Variants in DYNC1I1 observed in about 807,000 individuals in gnomAD.
DYNC1I1 encodes the protein cytoplasmic dynein 1 intermediate chain 1.
In DYNC1I1, 43 loss-of-function variants were observed where a neutral mutation model predicts 86.6. The ratio of observed to expected loss-of-function variants is 0.50; its 90% CI spans 0.39 to 0.64. The LOEUF (loss-of-function observed/expected upper bound fraction) is 0.64, where lower values mean the gene tolerates loss of function less well. DYNC1I1 is among the 30% of genes least tolerant of loss of function. DYNC1I1 has a pLI of 0.00. For missense variants in DYNC1I1, 604 were observed against 788.8 expected, an observed-to-expected ratio of 0.77 and a Z score of 2.81; for synonymous variants, 262 against 283.7, an observed-to-expected ratio of 0.92 and a Z score of 0.77.
At chr7:95,955,818 A>C (rs1267366823) in intron 6 of DYNC1I1, among the ~76,000 whole-genome samples, 2 of 152,026 alleles carry the variant, frequency 1.3e-5, no homozygotes, top group Non-Finnish European at 2.9e-5. Context: ...TTTCTCATTC[A>C]CTCTTAATGC....
At chr7:96,044,193 C>G (rs1789139434) in intron 14 of DYNC1I1, among the ~76,000 whole-genome samples, 1 of 152,116 alleles carries the variant, frequency 6.6e-6, no homozygotes, top group African/African-American at 2.4e-5. Flanking sequence ...TGATATTAGT[C>G]TCTCTATCTC....
chr7:95,920,895 G>A (rs1791592713), intron 6 of DYNC1I1, among the ~76,000 whole-genome samples: 2 of 152,154 alleles, frequency 1.3e-5, no homozygotes, highest in Admixed American at 1.3e-4. Context: ...CAAAGTATGA[G>A]AAAGTTCATT....
intron 1 of DYNC1I1, among the ~76,000 whole-genome samples, chr7:95,791,311 G>A (rs1214283338): frequency 6.6e-6 from 1 of 152,178 alleles, no homozygotes; most frequent in Admixed American, 6.5e-5. Flanking sequence ...TTTCAGGCAG[G>A]CCTACTGGCC....
At position 96,019,030 on chromosome 7, in the gene DYNC1I1, G is replaced by A. The variant is rs77427869; in HGVS notation, c.970-9145G>A. 8.4e-3 allele frequency among the ~76,000 whole-genome samples: 1,283 copies of A among 152,238 alleles called. 13 individuals carry two copies. Among genetic ancestry groups the A allele is most frequent in the South Asian group, 0.017 (82 of 4,828 alleles). ...TTAAGTATATCACAGTGAGGACTCA[G>A]GAGTTTGTGTTTTTTGTTTCTTCAT... is the stretch of plus-strand genomic sequence containing the variant. On this transcript the variant is annotated intron_variant, in intron 10 of 16. Transcript: ENST00000447467.
intron 16 of DYNC1I1, among the ~76,000 whole-genome samples, chr7:96,086,839 C>T (rs1264554755): frequency 2.0e-5 from 3 of 152,012 alleles, no homozygotes. Flanking sequence ...TTTGTAACGC[C>T]AACAGGAAGA....
chr7:95,853,380 G>A (rs1324099213), intron 5 of DYNC1I1, among the ~76,000 whole-genome samples: 4 of 152,058 alleles, frequency 2.6e-5, no homozygotes, highest in Admixed American at 2.6e-4. Context: ...CTTCTTGCCC[G>A]TCTACCAGGG....
intron 9 of DYNC1I1, among the ~76,000 whole-genome samples, chr7:95,993,666 TG>T (rs1236044562): frequency 1.3e-5 from 2 of 152,316 alleles, no homozygotes; most frequent in East Asian, 3.9e-4. Context: ...TGTGTGTCAC[TG>T]TACGCTTATA....
At position 95,804,707 on chromosome 7, in the gene DYNC1I1, T is replaced by TC; in HGVS notation, c.-9-13dup. On this transcript the variant is annotated splice_polypyrimidine_tract_variant and intron_variant, in intron 1 of 16. Coordinates refer to ENST00000447467, the MANE Select transcript of DYNC1I1 (RefSeq NM_001135556.2). ...TTTATATATATGTTCACTTTTTTTT[T>TC]CTCTTTCTCCAAGGAAACCAACATG... 6.4e-7 allele frequency: 1 copy of TC among 1,559,250 alleles called. No homozygotes were observed. Among genetic ancestry groups the TC allele is most frequent in the Non-Finnish European group, 8.6e-7 (1 of 1,159,886 alleles).
At chr7:95,865,747 C>G (rs1329431359) in intron 5 of DYNC1I1, among the ~76,000 whole-genome samples, 2 of 152,154 alleles carry the variant, frequency 1.3e-5, no homozygotes, top group Non-Finnish European at 2.9e-5. Flanking sequence ...ATATGCTGTA[C>G]AGGGTTGTAG....
At chr7:95,878,045 C>CCA (rs1790355128) in intron 6 of DYNC1I1, among the ~76,000 whole-genome samples, 1 of 152,170 alleles carries the variant, frequency 6.6e-6, no homozygotes, top group Non-Finnish European at 1.5e-5. Flanking sequence ...AATAGCCCAA[C>CCA]CAATCACTAA....
chr7:96,019,675 G>C (rs1486098138), intron 10 of DYNC1I1, among the ~76,000 whole-genome samples: 1 of 152,072 alleles, frequency 6.6e-6, no homozygotes, highest in African/African-American at 2.4e-5. Flanking sequence ...CTAATTCAAG[G>C]TGTGAAAGAA....
In DYNC1I1 at chr7:95,804,426, A is replaced by T. The variant is rs147130875; in HGVS notation, c.-9-295A>T. On this transcript the variant is annotated intron_variant, in intron 1 of 16. Transcript: ENST00000447467. ...TTTGTTTATTTGTTAAGAAACTTGTATAGAAAATGTGTTGCTTATCTGGAA... is the reference window on the plus strand; with the variant it reads ...TTTGTTTATTTGTTAAGAAACTTGTTTAGAAAATGTGTTGCTTATCTGGAA... 1.3e-4 allele frequency: 159 copies of T among 1,227,860 alleles called. 3 individuals are homozygous for T. The Middle Eastern group carries it at 2.2e-3, about 17-fold the overall frequency. The allele number at this position is 1,227,860 out of a possible 1,614,324, so 76.1% of individuals were successfully genotyped here. A position where few individuals can be genotyped will look rare whatever the true frequency, so the allele number is the denominator to read the frequency against.
chr7:95,868,707 T>C (rs565082660), intron 5 of DYNC1I1, among the ~76,000 whole-genome samples: 6 of 152,344 alleles, frequency 3.9e-5, no homozygotes, highest in Admixed American at 3.3e-4. Flanking sequence ...GTAAATTATG[T>C]ACATATGACT....
intron 4 of DYNC1I1, among the ~76,000 whole-genome samples, chr7:95,825,978 G>C (rs1291545217): frequency 6.6e-6 from 1 of 152,148 alleles, no homozygotes; most frequent in African/African-American, 2.4e-5. Flanking sequence ...AAGCTCTCCA[G>C]GTCATTCTGA....
At chr7:96,013,313 A>T (rs1002400735) in intron 10 of DYNC1I1, among the ~76,000 whole-genome samples, 7 of 152,202 alleles carry the variant, frequency 4.6e-5, no homozygotes, top group Non-Finnish European at 8.8e-5. Flanking sequence ...AAGAAGGCCA[A>T]GAAATTGATT....
At chr7:96,060,518 C>T (rs1325514484) in intron 14 of DYNC1I1, among the ~76,000 whole-genome samples, 1 of 152,180 alleles carries the variant, frequency 6.6e-6, no homozygotes, top group African/African-American at 2.4e-5. Context: ...ATTATTAGGG[C>T]AGTGAAAGTA....
intron 5 of DYNC1I1, among the ~76,000 whole-genome samples, chr7:95,831,460 C>T (rs1788901946): frequency 6.6e-6 from 1 of 152,102 alleles, no homozygotes; most frequent in Non-Finnish European, 1.5e-5. Flanking sequence ...GCAACCTCTG[C>T]CTCCCAGGCC....
rs370341645 is a variant in DYNC1I1 at position 96,080,383 on chromosome 7, C to T, written c.1671C>T (p.Ala557=). The part of the protein sequence containing the change: ...NDTEVPTASV[A]IEGASALNRV... ...GGCAGGTTCCAACAGCAAGTGTGGC[C>T]ATTGAGGGGGCATCCGCCCTAAACC... Residue 557 remains alanine, a synonymous_variant, in exon 16 of 17, where the codon GCC becomes GCT. Coordinates refer to ENST00000447467, the MANE Select transcript of DYNC1I1 (RefSeq NM_001135556.2). 1.1e-5 allele frequency: 18 copies of T among 1,610,106 alleles called. No homozygotes were observed. Among genetic ancestry groups the T allele is most frequent in the Non-Finnish European group, 1.0e-5 (12 of 1,178,266 alleles).
intron 14 of DYNC1I1, among the ~76,000 whole-genome samples, chr7:96,061,273 T>A (rs900057864): frequency 1.3e-5 from 2 of 152,170 alleles, no homozygotes; most frequent in African/African-American, 4.8e-5. Flanking sequence ...GATGGTGGTA[T>A]TCATAGCCCT....
Sources: gnomAD v4.1 joint callset for allele counts (sites outside exome capture counted in the v4.1 genomes callset) on GRCh38, gnomAD v4.1.1 for gene constraint, MANE v1.5 for transcripts, NCBI Gene and HGNC (gene_info 2026-07-23, HGNC 2026-07-21) for gene names.